The following DNAJC24 variants were observed in gnomAD, a reference collection of about 807,000 sequenced individuals.
The protein encoded by DNAJC24 is DnaJ heat shock protein family (Hsp40) member C24.
In DNAJC24, 17 loss-of-function variants were observed where a neutral mutation model predicts 18.0. That is an observed-to-expected ratio of 0.94 (90% confidence interval 0.65 to 1.42). The LOEUF (loss-of-function observed/expected upper bound fraction) is 1.42, where lower values mean the gene tolerates loss of function less well. DNAJC24 is among the 40% of genes most tolerant of loss of function. The pLI is 0.00. For synonymous variants in DNAJC24, 55 were observed against 57.7 expected, an observed-to-expected ratio of 0.95 and a Z score of 0.21; for missense variants, 158 against 175.6, an observed-to-expected ratio of 0.90 and a Z score of 0.57.
At chr11:31,389,377 A>T (rs1952465120) in intron 2 of DNAJC24, among the ~76,000 whole-genome samples, 1 of 152,218 alleles carries the variant, frequency 6.6e-6, no homozygotes, top group Non-Finnish European at 1.5e-5. Context: ...ATATCAAACA[A>T]AATAGATTTC....
intron 4 of DNAJC24, 30 bp downstream of exon 4, chr11:31,426,385 TTA>T (rs1491467765): frequency 1.5e-6 from 2 of 1,297,026 alleles, no homozygotes; most frequent in Non-Finnish European, 1.0e-6. Flanking sequence ...TTGACAACAT[TTA>T]AAAAAAAAAG....
intron 3 of DNAJC24, among the ~76,000 whole-genome samples, chr11:31,425,744 C>A (rs1952854859): frequency 6.6e-6 from 1 of 152,146 alleles, no homozygotes; most frequent in African/African-American, 2.4e-5. Flanking sequence ...AGGGCTTCAA[C>A]ATATTAATTT....
At chr11:31,409,011 C>T (rs1415651701) in intron 2 of DNAJC24, among the ~76,000 whole-genome samples, 2 of 152,038 alleles carry the variant, frequency 1.3e-5, no homozygotes, top group African/African-American at 4.8e-5. Context: ...CAATGCTTAG[C>T]CTTTTAAAAT....
intron 3 of DNAJC24, among the ~76,000 whole-genome samples, chr11:31,421,410 A>G (rs1358799317): frequency 6.6e-6 from 1 of 152,208 alleles, no homozygotes; most frequent in Non-Finnish European, 1.5e-5. Flanking sequence ...TGACATAAAC[A>G]AACACAGTGG....
intron 2 of DNAJC24, among the ~76,000 whole-genome samples, chr11:31,397,893 C>T (rs929575060): frequency 2.6e-5 from 4 of 151,714 alleles, no homozygotes; most frequent in African/African-American, 9.7e-5. Flanking sequence ...ACCTCTGCCT[C>T]CTGGGTTCAA....
At chr11:31,404,789 T>G (rs549812286) in intron 2 of DNAJC24, among the ~76,000 whole-genome samples, 17 of 152,250 alleles carry the variant, frequency 1.1e-4, no homozygotes, top group African/African-American at 4.1e-4. Flanking sequence ...AGTGGTAATC[T>G]GTTTGGAATA....
intron 2 of DNAJC24, among the ~76,000 whole-genome samples, chr11:31,411,280 C>T (rs7936615): frequency 0.29 from 43,846 of 152,050 alleles, 6,439 homozygotes; most frequent in African/African-American, 0.33. Context: ...TGTAATGACA[C>T]CATTTTATGA....
At chr11:31,424,256 A>G (rs1405606443) in intron 3 of DNAJC24, among the ~76,000 whole-genome samples, 4 of 152,152 alleles carry the variant, frequency 2.6e-5, no homozygotes, top group Non-Finnish European at 5.9e-5. Context: ...ATTGATTTCA[A>G]AATTTCTTAA....
At chr11:31,402,384 A>G (rs1329312424) in intron 2 of DNAJC24, among the ~76,000 whole-genome samples, 7 of 152,220 alleles carry the variant, frequency 4.6e-5, no homozygotes, top group Admixed American at 3.9e-4. Context: ...GTGAAGGCCT[A>G]GGATATCACC....
chr11:31,403,841 A>G (rs966701692), intron 2 of DNAJC24, among the ~76,000 whole-genome samples: 4 of 152,200 alleles, frequency 2.6e-5, no homozygotes, highest in African/African-American at 7.2e-5. Flanking sequence ...CATGCAAGAA[A>G]GACTTCAGGG....
intron 3 of DNAJC24, among the ~76,000 whole-genome samples, chr11:31,418,487 T>G (rs924621140): frequency 5.3e-5 from 8 of 152,118 alleles, no homozygotes; most frequent in Non-Finnish European, 1.2e-4. Context: ...TCTTAGTGGC[T>G]CTATACAGTG....
chr11:31,405,074 T>G (rs1362379697), intron 2 of DNAJC24, among the ~76,000 whole-genome samples: 4 of 137,056 alleles, frequency 2.9e-5, no homozygotes, highest in Admixed American at 7.3e-5. Context: ...TTCTTTTTTT[T>G]GTTTTTTTTT....
In DNAJC24 at chr11:31,414,958, T is replaced by C. The variant is rs1252920331; in HGVS notation, c.250+9T>C. On this transcript the variant is annotated intron_variant, in intron 3 of 4. Transcript: ENST00000465995. ...TGACCTGCAGCGGTGTGGTAGGTGCTTGTGTTGAGGAGCCACAGCACATCG... is the reference window on the plus strand; with the variant it reads ...TGACCTGCAGCGGTGTGGTAGGTGCCTGTGTTGAGGAGCCACAGCACATCG... The C allele has an allele frequency of 6.2e-7, 1 of 1,611,836 alleles. No individual in the cohort carries two copies. The highest frequency in any genetic ancestry group is 1.1e-5 in the South Asian group (1 of 90,778).
chr11:31,401,988 T>A (rs1165496043), intron 2 of DNAJC24, among the ~76,000 whole-genome samples: 2 of 152,226 alleles, frequency 1.3e-5, no homozygotes, highest in African/African-American at 4.8e-5. Flanking sequence ...ATATTGGTTT[T>A]GACTAGATAC....
chr11:31,415,483 T>G (rs1393794834), intron 3 of DNAJC24: 1 of 152,238 alleles, frequency 6.6e-6, no homozygotes, highest in African/African-American at 2.4e-5. Context: ...TAAAAGTCAT[T>G]TCTTTTATGC....
chr11:31,410,682 T>C (rs1952700054), intron 2 of DNAJC24, among the ~76,000 whole-genome samples: 1 of 152,208 alleles, frequency 6.6e-6, no homozygotes, highest in Non-Finnish European at 1.5e-5. Flanking sequence ...TGAATTAAGT[T>C]TGGTTTATGG....
intron 3 of DNAJC24, among the ~76,000 whole-genome samples, chr11:31,423,433 G>C (rs1952828732): frequency 6.6e-6 from 1 of 152,008 alleles, no homozygotes. Context: ...GCTAATTTTT[G>C]TATTTTTAGT....
rs894226399 is a variant in DNAJC24, at chr11:31,388,426, C to A, written c.111+17567C>A. ...CTAATGTGTCTGGCACCAGCCTTCC[C>A]AGTGGAAACCTTACAGGCCAGGAAA... is the stretch of plus-strand genomic sequence containing the variant. On this transcript the variant is annotated intron_variant, in intron 2 of 4. Transcript: ENST00000465995. 3.3e-5 allele frequency among the ~76,000 whole-genome samples: 5 copies of A among 152,178 alleles called. No individual in the cohort carries two copies. The East Asian group carries it at 9.6e-4, about 29-fold the overall frequency.
chr11:31,428,031 A>C (rs1392577087), intron 4 of DNAJC24: 1 of 150,990 alleles, frequency 6.6e-6, no homozygotes, highest in Non-Finnish European at 1.5e-5. Context: ...AAAGATTAGA[A>C]GTATATTATA....
Sources: allele counts gnomAD v4.1 joint callset (sites outside exome capture counted in the v4.1 genomes callset), GRCh38; gene constraint gnomAD v4.1.1; transcripts MANE v1.5; gene names NCBI Gene and HGNC (gene_info 2026-07-23, HGNC 2026-07-21).